Variants in AARD observed in about 807,000 individuals in gnomAD.
The protein encoded by AARD is alanine- and arginine-rich domain-containing protein.
Under a neutral mutation model 9.3 loss-of-function variants are expected in AARD, and 9 were observed. The ratio of observed to expected loss-of-function variants is 0.97; its 90% CI spans 0.58 to 1.69. The LOEUF (loss-of-function observed/expected upper bound fraction) is 1.69, where lower values mean the gene tolerates loss of function less well. Ranked by LOEUF, AARD falls within the 40% of genes most tolerant of loss-of-function variation. AARD has a pLI of 0.00. For missense variants in AARD, 236 were observed against 210.3 expected (o/e 1.12, Z -0.76); for synonymous variants, 91 against 93.8 (o/e 0.97, Z 0.17).
rs187578345 is a variant in AARD, at chr8:116,938,499, G to A, written c.256G>A (p.Ala86Thr). ...SRRVQEAAAA[A>T]AAREEQSWTG... ...GCGCGTGCAGGAGGCGGCGGCGGCG[G>A]CGGCGGCGCGGGAGGAGCAGAGCTG... The change falls in exon 1 of 2, where the codon GCG becomes ACG. Residue 86 changes from alanine (A) to threonine (T), a missense_variant. Transcript: ENST00000378279. 3,268 of 1,534,356 alleles carry A rather than the reference G, an allele frequency of 2.1e-3. 56 individuals are homozygous for A. In the African/African-American group the frequency reaches 0.041, roughly 19 times the overall value.
intron 1 of AARD, 59 bp downstream of exon 1, chr8:116,938,626 C>T: frequency 7.2e-7 from 1 of 1,381,242 alleles, no homozygotes; most frequent in African/African-American, 1.5e-5. Context: ...TCCTCTCCTC[C>T]AGCTGCAGAG....
chr8:116,940,877 G>A (rs926148455), intron 1 of AARD, among the ~76,000 whole-genome samples: 3 of 152,034 alleles, frequency 2.0e-5, no homozygotes, highest in African/African-American at 7.2e-5. Flanking sequence ...GATTCTCAGA[G>A]GGATCCTTGA....
chr8:116,938,750 A>C (rs1479386945), intron 1 of AARD, 183 bp downstream of exon 1: 3 of 883,224 alleles, frequency 3.4e-6, no homozygotes, highest in Non-Finnish European at 3.1e-6. Context: ...TGCAGGACCC[A>C]TGGTGGGGGG....
chr8:116,940,673 G>T (rs1241150793), intron 1 of AARD, among the ~76,000 whole-genome samples: 1 of 152,184 alleles, frequency 6.6e-6, no homozygotes, highest in African/African-American at 2.4e-5. Context: ...AAGGAACGAT[G>T]AACAAATTTA....
rs1451946060 is a variant in AARD at position 116,938,307 on chromosome 8, G to T, written c.64G>T (p.Gly22Cys). 6.2e-7 allele frequency: 1 copy of T among 1,611,610 alleles called. No individual in the cohort carries two copies. The highest frequency in any genetic ancestry group is 8.5e-7 in the Non-Finnish European group (1 of 1,179,416). ...TTCCCAGGGGCTCCAGGGACTCCCA[G>T]GTAGAGCGGAGCTTTGGTTCCCACC... ...RISQGLQGLP[G>C]RAELWFPPRP... Residue 22 changes from glycine to cysteine, a missense_variant, in exon 1 of 2, where the codon GGT (glycine) becomes TGT (cysteine). Coordinates refer to ENST00000378279, the MANE Select transcript of AARD (RefSeq NM_001025357.3).
intron 1 of AARD, 132 bp downstream of exon 1, chr8:116,938,699 C>T (rs1200493152): frequency 4.1e-6 from 5 of 1,215,432 alleles, no homozygotes; most frequent in Admixed American, 4.0e-5. Flanking sequence ...ACGGCGTTGA[C>T]GCCCCCGCCT....
chr8:116,938,325 T>G lies in AARD; in HGVS notation c.82T>G (p.Phe28Val). The G allele has an allele frequency of 1.2e-6, 2 of 1,612,854 alleles. No individual in the cohort carries two copies. The highest frequency in any genetic ancestry group is 1.7e-5 in the Admixed American group (1 of 60,000). Residue 28 changes from phenylalanine to valine, a missense_variant, in exon 1 of 2, where the codon TTC (phenylalanine) becomes GTC (valine). Physicochemically the swap from Phe to Val is conservative, Grantham distance 50. Transcript: ENST00000378279. ...ACTCCCAGGTAGAGCGGAGCTTTGG[T>G]TCCCACCTCGTCCCGCGTGCGACTT... is the stretch of plus-strand genomic sequence containing the variant. ...QGLPGRAELW[F>V]PPRPACDFFG...
Position 116,938,477 on chromosome 8 carries a change from C to T in AARD, c.234C>T (p.Arg78=), listed in dbSNP as rs1813700788. 3 of 1,578,138 alleles carry T rather than the reference C, an allele frequency of 1.9e-6. No homozygotes were observed. Among genetic ancestry groups the T allele is most frequent in the Non-Finnish European group, 2.6e-6 (3 of 1,164,792 alleles). ...CGGTGCAGCGCGCGATCTCGAGGCG[C>T]GTGCAGGAGGCGGCGGCGGCGGCGG... ...QWAVQRAISR[R]VQEAAAAAAA... is the part of the protein sequence containing the mutation. Residue 78 remains arginine, a synonymous_variant, in exon 1 of 2, where the codon CGC becomes CGT. Coordinates refer to ENST00000378279, the MANE Select transcript of AARD (RefSeq NM_001025357.3).
intron 1 of AARD, among the ~76,000 whole-genome samples, chr8:116,939,719 T>C (rs535517502): frequency 4.9e-4 from 74 of 152,366 alleles, no homozygotes; most frequent in Non-Finnish European, 8.4e-4. Context: ...CCAGATTTAC[T>C]ATCTTATCCA....
Position 116,942,685 on chromosome 8 carries a change from CT to C in AARD, c.453del (p.Ala152ArgfsTer37). 6.2e-7 allele frequency: 1 copy of C among 1,613,646 alleles called. No individual in the cohort carries two copies. Among genetic ancestry groups the C allele is most frequent in the Non-Finnish European group, 8.5e-7 (1 of 1,179,906 alleles). On this transcript the variant is annotated frameshift_variant, in exon 2 of 2. Transcript: ENST00000378279. LOFTEE classifies it high-confidence loss of function. The stretch of plus-strand genomic sequence containing the variant: ...GACTCCCAAAGCCCAAAAGATGATG[CT>C]GCGAATCCGGAATAAAGAAATGCAC... ...TSDSQSPKDDAANPE is the reference protein window; with the variant it reads ...TSDSQSPKDDXANPE
In AARD at chr8:116,938,528, G is replaced by C. The variant is rs765546287; in HGVS notation, c.285G>C (p.Thr95=). 1.8e-5 allele frequency: 26 copies of C among 1,481,660 alleles called. No homozygotes were observed. Among genetic ancestry groups the C allele is most frequent in the South Asian group, 8.1e-5 (6 of 73,786 alleles). The allele number at this position is 1,481,660 out of a possible 1,614,324, so 91.8% of individuals were successfully genotyped here. ...CGGCGCGGGAGGAGCAGAGCTGGACGGGCGTTGAGGCCACCCTGGCCAGGC... is the reference window on the plus strand; with the variant it reads ...CGGCGCGGGAGGAGCAGAGCTGGACCGGCGTTGAGGCCACCCTGGCCAGGC... The part of the protein sequence containing the change: ...AAAAREEQSW[T]GVEATLARLR... Residue 95 remains threonine (T), a synonymous_variant, in exon 1 of 2, where the codon ACG becomes ACC. Transcript: ENST00000378279.
At position 116,943,113 on chromosome 8, in the gene AARD, C is replaced by T. The variant is rs7821541; in HGVS notation, c.*412C>T. 0.068 allele frequency: 10,390 copies of T among 152,112 alleles called. 705 individuals are homozygous for T. Among genetic ancestry groups the T allele is most frequent in the African/African-American group, 0.18 (7,412 of 41,272 alleles). 9.4% of individuals were successfully genotyped at this position (152,112 alleles called of 1,614,324 possible). On this transcript the variant is annotated 3_prime_UTR_variant, in exon 2 of 2. Transcript: ENST00000378279. ...TATGCTTTGCATAAGTTTTGAGGGG[C>T]AATTTATAGACCCAAAACAAATGAC...
rs1463136696 is a variant in AARD at position 116,938,230 on chromosome 8, C to T, written c.-14C>T. On this transcript the variant is annotated 5_prime_UTR_variant, in exon 1 of 2. Coordinates refer to ENST00000378279, the MANE Select transcript of AARD (RefSeq NM_001025357.3). ...TCAGCAGCAGCGGTAGAGCAGTGAC[C>T]AGGCGTCTCCGCGATGGGCCCCGGG... 3 of 1,579,434 alleles carry T rather than the reference C, an allele frequency of 1.9e-6. No individual in the cohort carries two copies. Among genetic ancestry groups the T allele is most frequent in the Non-Finnish European group, 2.6e-6 (3 of 1,162,246 alleles).
intron 1 of AARD, among the ~76,000 whole-genome samples, chr8:116,940,485 G>A (rs1398640939): frequency 2.0e-5 from 3 of 152,116 alleles, no homozygotes; most frequent in African/African-American, 7.2e-5. Flanking sequence ...TCAACATCTT[G>A]GTCAATCATT....
intron 1 of AARD, among the ~76,000 whole-genome samples, chr8:116,939,484 T>C (rs959700264): frequency 6.6e-6 from 1 of 152,020 alleles, no homozygotes; most frequent in African/African-American, 2.4e-5. Flanking sequence ...ATACAAAAAT[T>C]AGCCAGGTAT....
chr8:116,941,963 T>G (rs998355698), intron 1 of AARD, among the ~76,000 whole-genome samples: 2 of 152,210 alleles, frequency 1.3e-5, no homozygotes, highest in African/African-American at 4.8e-5. Flanking sequence ...AGGACCTTCA[T>G]AAACTCCCAT....
At position 116,938,387 on chromosome 8, in the gene AARD, G is replaced by C; in HGVS notation, c.144G>C (p.Glu48Asp). The C allele has an allele frequency of 6.2e-7, 1 of 1,612,482 alleles. No homozygotes were observed. Among genetic ancestry groups the C allele is most frequent in the South Asian group, 1.1e-5 (1 of 91,008 alleles). The part of the protein sequence containing the change: ...GDGRSTDIQE[E>D]ALAASPLLED... ...GCAGGAGCACGGACATCCAGGAGGA[G>C]GCCCTCGCCGCCAGCCCGCTGCTGG... is the stretch of plus-strand genomic sequence containing the variant. Residue 48 changes from glutamate to aspartate, a missense_variant, in exon 1 of 2, where the codon GAG becomes GAC. Coordinates refer to ENST00000378279, the MANE Select transcript of AARD (RefSeq NM_001025357.3).
Position 116,938,253 on chromosome 8 carries a change from G to A in AARD, c.10G>A (p.Gly4Arg), listed in dbSNP as rs1354496261. Reference protein sequence around the residue: MGPGDFRRCRERIS... With the variant: MGPRDFRRCRERIS... ...ACCAGGCGTCTCCGCGATGGGCCCC[G>A]GGGACTTCCGCCGCTGCAGAGAGAG... The change falls in exon 1 of 2, where the codon GGG becomes AGG. Residue 4 changes from glycine (G) to arginine (R), a missense_variant. Coordinates refer to ENST00000378279, the MANE Select transcript of AARD (RefSeq NM_001025357.3). 7.0e-7 allele frequency: 1 copy of A among 1,419,408 alleles called. No individual in the cohort carries two copies. The highest frequency in any genetic ancestry group is 9.4e-7 in the Non-Finnish European group (1 of 1,058,352). 87.9% of individuals were successfully genotyped at this position (1,419,408 alleles called of 1,614,324 possible). A position where few individuals can be genotyped will look rare whatever the true frequency, so the allele number is the denominator to read the frequency against.
At position 116,942,861 on chromosome 8, in the gene AARD, GT is replaced by G; in HGVS notation, c.*161del. ...TAAAAATACAAAAAATTAGCCAGAC[GT>G]GGTGGCAGGCACCTGTAGTCCCTGC... On this transcript the variant is annotated 3_prime_UTR_variant, in exon 2 of 2. Coordinates refer to ENST00000378279, the MANE Select transcript of AARD (RefSeq NM_001025357.3). 1 of 561,334 alleles carries G rather than the reference GT, an allele frequency of 1.8e-6. No homozygotes were observed. Among genetic ancestry groups the G allele is most frequent in the Non-Finnish European group, 2.9e-6 (1 of 343,920 alleles). 34.8% of individuals were successfully genotyped at this position (561,334 alleles called of 1,614,324 possible). A position where few individuals can be genotyped will look rare whatever the true frequency, so the allele number is the denominator to read the frequency against.
Sources: gnomAD v4.1 joint callset for allele counts (sites outside exome capture counted in the v4.1 genomes callset) on GRCh38, gnomAD v4.1.1 for gene constraint, MANE v1.5 for transcripts, NCBI Gene and HGNC (gene_info 2026-07-23, HGNC 2026-07-21) for gene names.